The following MID2 variants were observed in gnomAD, a reference collection of about 807,000 sequenced individuals.
MID2 encodes the protein midline 2.
In MID2, 13 loss-of-function variants were observed where a neutral mutation model predicts 46.1. That is an observed-to-expected ratio of 0.28 (90% confidence interval 0.18 to 0.45). The LOEUF (loss-of-function observed/expected upper bound fraction) is 0.45. Among genes scored for constraint, MID2 ranks in the 20% least tolerant of loss-of-function variants. The pLI, the probability that MID2 is intolerant of heterozygous loss-of-function variation, is 1.00. For synonymous variants in MID2, 199 were observed against 212.3 expected (o/e 0.94, Z 0.55); for missense variants, 431 against 575.4 (o/e 0.75, Z 2.57).
At chrX:107,860,937 T>C (rs189438624) in intron 3 of MID2, among the ~76,000 whole-genome samples, 6 of 112,140 alleles carry the variant, frequency 5.4e-5, no homozygotes, top group Non-Finnish European at 1.9e-5. Flanking sequence ...ACAGGCACTT[T>C]AGCTCTGGAG....
At chrX:107,830,078 A>G (rs1246908170) in intron 1 of MID2, among the ~76,000 whole-genome samples, 1 of 111,710 alleles carries the variant, frequency 9.0e-6, no homozygotes, top group African/African-American at 3.3e-5. Context: ...TGCTGACACC[A>G]CAATAATTGA....
rs913301997 is a variant in MID2 at position 107,930,690 on chromosome X, T to G, written c.*3617T>G. 5.4e-5 allele frequency among the ~76,000 whole-genome samples: 6 copies of G among 112,058 alleles called. No homozygotes were observed. The highest frequency in any genetic ancestry group is 9.4e-5 in the Non-Finnish European group (5 of 53,144). ...CTTTTATAGAATCCTGGCAATGCCATGGACCTTAAGAGAAGTAATTGGCTA... is the reference window on the plus strand; with the variant it reads ...CTTTTATAGAATCCTGGCAATGCCAGGGACCTTAAGAGAAGTAATTGGCTA... On this transcript the variant is annotated 3_prime_UTR_variant, in exon 10 of 10. Coordinates refer to ENST00000262843, the MANE Select transcript of MID2 (RefSeq NM_012216.4).
At position 107,902,459 on chromosome X, in the gene MID2, G is replaced by A. The variant is rs376200759; in HGVS notation, c.817-1499G>A. The stretch of plus-strand genomic sequence containing the variant: ...GTGAGATATCTGCCTTGGAAAGGTA[G>A]ATCCAATTTAGGGAAAGGGTGAGGT... On this transcript the variant is annotated intron_variant, in intron 3 of 9. Transcript: ENST00000262843. Among the ~76,000 whole-genome samples the A allele has an allele frequency of 5.4e-5, 6 of 111,434 alleles. No individual in the cohort carries two copies. The East Asian group carries it at 1.4e-3, about 26-fold the overall frequency.
intron 3 of MID2, among the ~76,000 whole-genome samples, chrX:107,855,838 G>A (rs1230780890): frequency 8.9e-6 from 1 of 111,857 alleles, no homozygotes; most frequent in Non-Finnish European, 1.9e-5. Flanking sequence ...CACTCCATTT[G>A]TGGAAGAGAG....
At chrX:107,893,736 G>A (rs762140425) in intron 3 of MID2, among the ~76,000 whole-genome samples, 10 of 112,026 alleles carry the variant, frequency 8.9e-5, no homozygotes, top group Admixed American at 1.9e-4. Context: ...TATAAGCTGC[G>A]TACACTGAAC....
intron 3 of MID2, among the ~76,000 whole-genome samples, chrX:107,856,631 A>G (rs1304264104): frequency 1.8e-5 from 2 of 111,348 alleles, no homozygotes; most frequent in Non-Finnish European, 3.8e-5. Flanking sequence ...TGCCAATCAA[A>G]CCTTTATGTT....
rs1166476622 is a variant in MID2, at chrX:107,928,055, A to C, written c.*982A>C. 9.0e-6 allele frequency among the ~76,000 whole-genome samples: 1 copy of C among 111,681 alleles called. No individual in the cohort carries two copies. The highest frequency in any genetic ancestry group is 1.9e-5 in the Non-Finnish European group (1 of 53,099). The stretch of plus-strand genomic sequence containing the variant: ...AATTCTGTCATAGACTATTAAAAAA[A>C]AAGTTTTACTACTCCCAAGTACACA... On this transcript the variant is annotated 3_prime_UTR_variant, in exon 10 of 10. Coordinates refer to ENST00000262843, the MANE Select transcript of MID2 (RefSeq NM_012216.4).
chrX:107,887,942 T>G (rs1158911884), intron 3 of MID2, among the ~76,000 whole-genome samples: 1 of 112,062 alleles, frequency 8.9e-6, no homozygotes, highest in Non-Finnish European at 1.9e-5. Flanking sequence ...CTGATGGTAG[T>G]CTGTATTTCT....
chrX:107,882,838 C>T (rs1932354175), intron 3 of MID2, among the ~76,000 whole-genome samples: 2 of 111,945 alleles, frequency 1.8e-5, no homozygotes, highest in Non-Finnish European at 3.8e-5. Flanking sequence ...TTTGTCCTAG[C>T]AATCCCATTA....
At chrX:107,870,375 AAAT>A (rs1333754253) in intron 3 of MID2, among the ~76,000 whole-genome samples, 1 of 109,952 alleles carries the variant, frequency 9.1e-6, no homozygotes, top group African/African-American at 3.3e-5. Context: ...CTGTGGTCTT[AAAT>A]AGTTTAAGTT....
intron 3 of MID2, among the ~76,000 whole-genome samples, chrX:107,892,909 G>A (rs1030316973): frequency 8.9e-6 from 1 of 112,577 alleles, no homozygotes; most frequent in Admixed American, 9.4e-5. Context: ...ACAGGTAACT[G>A]CTCAGTATCT....
intron 3 of MID2, among the ~76,000 whole-genome samples, chrX:107,885,081 G>GT (rs1301759814): frequency 4.8e-5 from 5 of 104,337 alleles, no homozygotes; most frequent in South Asian, 4.1e-4. Context: ...TTTTGTTTTT[G>GT]TTTTTTTTCC....
chrX:107,881,480 A>G (rs183778498), intron 3 of MID2, among the ~76,000 whole-genome samples: 1,143 of 112,350 alleles, frequency 0.01, 5 homozygotes, highest in Non-Finnish European at 0.013. Context: ...TGTTCTGCCC[A>G]GTGATGACCT....
At chrX:107,878,658 A>C (rs1306212831) in intron 3 of MID2, among the ~76,000 whole-genome samples, 1 of 112,075 alleles carries the variant, frequency 8.9e-6, no homozygotes, top group Non-Finnish European at 1.9e-5. Context: ...GGCATTGGCC[A>C]GATGCCTTCA....
intron 3 of MID2, among the ~76,000 whole-genome samples, chrX:107,897,799 CT>C (rs1180464423): frequency 8.9e-6 from 1 of 111,846 alleles, no homozygotes; most frequent in Non-Finnish European, 1.9e-5. Flanking sequence ...ACAGCAAATG[CT>C]ATGTCTGTTC....
At chrX:107,888,654 C>G (rs1255245154) in intron 3 of MID2, among the ~76,000 whole-genome samples, 2 of 111,660 alleles carry the variant, frequency 1.8e-5, no homozygotes, top group Non-Finnish European at 3.8e-5. Context: ...GAGCTGAGTT[C>G]AATTCCTGGA....
intron 1 of MID2, among the ~76,000 whole-genome samples, chrX:107,831,053 G>A (rs771893842): frequency 7.2e-5 from 8 of 111,158 alleles, no homozygotes; most frequent in South Asian, 3.8e-4. Flanking sequence ...GATAGTATAA[G>A]ATGCTTAAAG....
At chrX:107,866,463 ACACACACACACAC>A (rs1390564458) in intron 3 of MID2, among the ~76,000 whole-genome samples, 1 of 102,535 alleles carries the variant, frequency 9.8e-6, no homozygotes, top group African/African-American at 3.7e-5. Flanking sequence ...ACACACACAC[ACACACACACACAC>A]AACACTGACC....
At chrX:107,857,171 G>A (rs986379490) in intron 3 of MID2, among the ~76,000 whole-genome samples, 2 of 112,063 alleles carry the variant, frequency 1.8e-5, no homozygotes, top group Non-Finnish European at 3.8e-5. Flanking sequence ...ATTGGGTTTA[G>A]GATTCTGTCT....
Sources: allele counts gnomAD v4.1 joint callset (sites outside exome capture counted in the v4.1 genomes callset), GRCh38; gene constraint gnomAD v4.1.1; transcripts MANE v1.5; gene names NCBI Gene and HGNC (gene_info 2026-07-23, HGNC 2026-07-21).